The following KCNH2 variants were observed in gnomAD, a reference collection of about 807,000 sequenced individuals.
KCNH2 encodes the protein voltage-gated inwardly rectifying potassium channel KCNH2.
KCNH2 carries 35 observed loss-of-function variants against 95.9 expected under a neutral mutation model. The ratio of observed to expected loss-of-function variants is 0.37; its 90% CI spans 0.28 to 0.48. The LOEUF (loss-of-function observed/expected upper bound fraction) is 0.48, where lower values mean the gene tolerates loss of function less well. Among genes scored for constraint, KCNH2 ranks in the 20% least tolerant of loss-of-function variants. The probability of loss-of-function intolerance (pLI) is 0.99; values close to 1 mark genes in which losing one functional copy is unlikely to be tolerated. For synonymous variants in KCNH2, 786 were observed against 754.7 expected, an observed-to-expected ratio of 1.04 and a Z score of -0.68; for missense variants, 1,274 against 1,702.9, an observed-to-expected ratio of 0.75 and a Z score of 4.43.
Position 150,950,234 on chromosome 7 carries a change from C to T in KCNH2, c.2332G>A (p.Ala778Thr), listed in dbSNP as rs769076001. The T allele has an allele frequency of 5.6e-6, 9 of 1,612,040 alleles. No homozygotes were observed. Among genetic ancestry groups the T allele is most frequent in the South Asian group, 3.3e-5 (3 of 91,014 alleles). The change falls in exon 9 of 15, where the codon GCC (alanine) becomes ACC (threonine). Residue 778 changes from alanine to threonine, a missense_variant. This residue lies in a region of KCNH2 where 159 missense variants were observed against 282.5 expected (regional missense o/e 0.56). Coordinates refer to ENST00000262186, the MANE Select transcript of KCNH2 (RefSeq NM_000238.4). The part of the protein sequence containing the change: ...TLVHAGDLLT[A>T]LYFISRGSIE... ...GAGCCCCGGGAGATGAAGTACAGGGCGGTGAGCAGGTCCCCAGCATGCACC... is the reference window on the plus strand; with the variant it reads ...GAGCCCCGGGAGATGAAGTACAGGGTGGTGAGCAGGTCCCCAGCATGCACC...
chr7:150,960,802 A>C (rs3823587), intron 2 of KCNH2, among the ~76,000 whole-genome samples: 41,526 of 150,738 alleles, frequency 0.28, 6,388 homozygotes, highest in East Asian at 0.64. Context: ...CAGTCCCCTA[A>C]GCCAAGCACC....
intron 5 of KCNH2, among the ~76,000 whole-genome samples, chr7:150,954,063 A>G (rs1415737761): frequency 6.6e-6 from 1 of 152,208 alleles, no homozygotes; most frequent in Non-Finnish European, 1.5e-5. Context: ...GTCATAGTCA[A>G]AGATTTGACC....
In KCNH2 at chr7:150,945,751, G is replaced by C. The variant is rs559224204; in HGVS notation, c.3331-237C>G. Among the ~76,000 whole-genome samples, 2 of 152,304 alleles carry C rather than the reference G, an allele frequency of 1.3e-5. No individual in the cohort carries two copies. The highest frequency in any genetic ancestry group is 3.9e-4 in the East Asian group (2 of 5,176). ...AGAGAAAGGCATTCTCTGAGAGCAG[G>C]AGCCAAACAAGAGAGCTGGGAGCAG... On this transcript the variant is annotated intron_variant, in intron 14 of 14. Coordinates refer to ENST00000262186, the MANE Select transcript of KCNH2 (RefSeq NM_000238.4). This position sits in a 1 kb window ranked among gnomAD's most constrained non-coding sequence, Gnocchi z 5.6.
intron 5 of KCNH2, among the ~76,000 whole-genome samples, chr7:150,955,181 C>T (rs757956377): frequency 6.6e-6 from 1 of 152,232 alleles, no homozygotes; most frequent in African/African-American, 2.4e-5. Context: ...GGCACAGGAG[C>T]GGGGAAGTCC....
At position 150,948,425 on chromosome 7, in the gene KCNH2, CTCCCCT is replaced by C; in HGVS notation, c.2692+13_2692+18del. ...CACCTTGTCCCCGCCCTCCCCCTTC[CTCCCCT>C]CCCCCGCCTCACCCTTGTCCGTGCG... On this transcript the variant is annotated intron_variant, in intron 11 of 14. Coordinates refer to ENST00000262186, the MANE Select transcript of KCNH2 (RefSeq NM_000238.4). 1 of 1,436,866 alleles carries C rather than the reference CTCCCCT, an allele frequency of 7.0e-7. No individual in the cohort carries two copies. The highest frequency in any genetic ancestry group is 1.2e-5 in the South Asian group (1 of 86,500). The allele number at this position is 1,436,866 out of a possible 1,614,324, so 89.0% of individuals were successfully genotyped here. A position where few individuals can be genotyped will look rare whatever the true frequency, so the allele number is the denominator to read the frequency against.
chr7:150,959,562 G>C lies in KCNH2; in HGVS notation c.472+10C>G. 1.2e-6 allele frequency: 2 copies of C among 1,613,988 alleles called. No individual in the cohort carries two copies. Among genetic ancestry groups the C allele is most frequent in the Non-Finnish European group, 8.5e-7 (1 of 1,179,900 alleles). Reference sequence around the variant, plus strand: ...AACCCCTGAGCCTGCCCTAAAGCAAGTACACTTACCTGGGGCCAGCCAGCT... The same window carrying C: ...AACCCCTGAGCCTGCCCTAAAGCAACTACACTTACCTGGGGCCAGCCAGCT... On this transcript the variant is annotated intron_variant, in intron 3 of 14. Transcript: ENST00000262186.
At chr7:150,965,068 G>A (rs940215294) in intron 2 of KCNH2, among the ~76,000 whole-genome samples, 1 of 151,584 alleles carries the variant, frequency 6.6e-6, no homozygotes, top group African/African-American at 2.4e-5. Flanking sequence ...GTGTGTGCGC[G>A]CGTGTGTGTG....
chr7:150,970,432 C>T (rs1801812715), intron 2 of KCNH2, among the ~76,000 whole-genome samples: 1 of 152,228 alleles, frequency 6.6e-6, no homozygotes, highest in South Asian at 2.1e-4. Context: ...TCTCCCGACG[C>T]TCTCCAGACC....
At chr7:150,971,499 T>C (rs1271548127) in intron 2 of KCNH2, among the ~76,000 whole-genome samples, 1 of 151,610 alleles carries the variant, frequency 6.6e-6, no homozygotes, top group Non-Finnish European at 1.5e-5. Flanking sequence ...ACGCACAAGC[T>C]CCCGGGGACA....
rs1393264950 is a variant in KCNH2, at chr7:150,978,165, CCCGCCGAGCCGCGGGGCCCGCT to C, written c.-274_-253del. On this transcript the variant is annotated 5_prime_UTR_variant, in exon 1 of 15. Coordinates refer to ENST00000262186, the MANE Select transcript of KCNH2 (RefSeq NM_000238.4). ...CCGCCGGCACACCTGTCTGCCGGCC[CCCGCCGAGCCGCGGGGCCCGCT>C]CCGCCGCGTCCCCGCGCTGCGCTCC... 1 of 146,846 alleles carries C rather than the reference CCCGCCGAGCCGCGGGGCCCGCT, an allele frequency of 6.8e-6. No homozygotes were observed. The highest frequency in any genetic ancestry group is 1.5e-5 in the Non-Finnish European group (1 of 66,088). 9.1% of individuals were successfully genotyped at this position (146,846 alleles called of 1,614,324 possible).
At position 150,947,796 on chromosome 7, in the gene KCNH2, C is replaced by A; in HGVS notation, c.2775G>T (p.Gly925=). The A allele has an allele frequency of 1.3e-6, 2 of 1,530,388 alleles. No homozygotes were observed. The highest frequency in any genetic ancestry group is 1.2e-5 in the South Asian group (1 of 83,316). 94.8% of individuals were successfully genotyped at this position (1,530,388 alleles called of 1,614,324 possible). ...CACTGGACGGGCTCTCCCCCCACGG[C>A]CCCCCCGGCCGGCCCCGGCTACTCG... The part of the protein sequence containing the change: ...AGPSSRGRPG[G]PWGESPSSGP... The change falls in exon 12 of 15, where the codon GGG becomes GGT. Residue 925 remains glycine, a synonymous_variant. Coordinates refer to ENST00000262186, the MANE Select transcript of KCNH2 (RefSeq NM_000238.4).
chr7:150,948,723 G>C (rs1339735555), intron 10 of KCNH2, 133 bp downstream of exon 10: 1 of 1,082,098 alleles, frequency 9.2e-7, no homozygotes, highest in East Asian at 2.6e-5. Context: ...ACTTTTGTAG[G>C]CTGCTCTATG....
chr7:150,945,163 A>G lies in KCNH2; in HGVS notation c.*202T>C. On this transcript the variant is annotated 3_prime_UTR_variant, in exon 15 of 15. Coordinates refer to ENST00000262186, the MANE Select transcript of KCNH2 (RefSeq NM_000238.4). This position sits in a 1 kb window ranked among gnomAD's most constrained non-coding sequence, Gnocchi z 5.6. ...AGTGGGGGGACCACAGGCCCCACCT[A>G]CTGCCGGCCCTGCCCCTGCCCCTCT... is the stretch of plus-strand genomic sequence containing the variant. 1 of 625,938 alleles carries G rather than the reference A, an allele frequency of 1.6e-6. No individual in the cohort carries two copies. The highest frequency in any genetic ancestry group is 2.7e-6 in the Non-Finnish European group (1 of 365,998). The allele number at this position is 625,938 out of a possible 1,614,324, so 38.8% of individuals were successfully genotyped here.
At chr7:150,968,622 G>A (rs977647524) in intron 2 of KCNH2, among the ~76,000 whole-genome samples, 2 of 152,154 alleles carry the variant, frequency 1.3e-5, no homozygotes, top group Admixed American at 1.3e-4. Context: ...CCTATGGGGA[G>A]GGTAATGAGA....
intron 1 of KCNH2, among the ~76,000 whole-genome samples, chr7:150,976,244 C>T (rs973370480): frequency 6.6e-6 from 1 of 152,144 alleles, no homozygotes; most frequent in Non-Finnish European, 1.5e-5. Flanking sequence ...TGCAGCAGGG[C>T]ACCCTGAGAT....
At chr7:150,957,623 G>A (rs1801421209) in intron 4 of KCNH2, 121 bp from the exon 5 acceptor site, 4 of 746,652 alleles carry the variant, frequency 5.4e-6, no homozygotes, top group Non-Finnish European at 7.1e-6. Flanking sequence ...GTCAGCTCAA[G>A]AGACCAGGGG....
In KCNH2 at chr7:150,951,862, C is replaced by T. The variant is rs111435367; in HGVS notation, c.1558-27G>A. On this transcript the variant is annotated intron_variant, in intron 6 of 14. Transcript: ENST00000262186. Reference sequence around the variant, plus strand: ...TGGGGGACAGGGAAGGGGCACATTCCGTTGATGGGGCAAGGGGGGCAAGGG... The same window carrying T: ...TGGGGGACAGGGAAGGGGCACATTCTGTTGATGGGGCAAGGGGGGCAAGGG... The T allele has an allele frequency of 2.8e-4, 426 of 1,544,936 alleles. 2 individuals are homozygous for T. The African/African-American group carries it at 4.8e-3, about 17-fold the overall frequency.
intron 2 of KCNH2, among the ~76,000 whole-genome samples, chr7:150,972,034 G>A (rs137884680): frequency 5.9e-5 from 9 of 152,192 alleles, no homozygotes; most frequent in Non-Finnish European, 8.8e-5. Context: ...CCTGAATCCC[G>A]GGCCTGACTT....
rs753735368 is a variant in KCNH2 at position 150,947,717 on chromosome 7, G to A, written c.2854C>T (p.Pro952Ser). The A allele has an allele frequency of 1.8e-5, 28 of 1,577,508 alleles. No homozygotes were observed. Among genetic ancestry groups the A allele is most frequent in the Non-Finnish European group, 2.4e-5 (28 of 1,164,090 alleles). Residue 952 changes from proline (P) to serine (S), a missense_variant, in exon 12 of 15, where the codon CCC becomes TCC. Transcript: ENST00000262186. ...EDEGPGRSSSPLRLVPFSSPR... is the reference protein window; with the variant it reads ...EDEGPGRSSSSLRLVPFSSPR... ...CTGGAGAAGGGCACCAGGCGGAGGG[G>A]GCTGGAGCTGCGGCCTGGGCCCTCA...
Sources: gnomAD v4.1 joint callset for allele counts (sites outside exome capture counted in the v4.1 genomes callset) on GRCh38, gnomAD v4.1.1 for gene constraint, gnomAD v4.1.1 regional missense constraint, Gnocchi (gnomAD v3.1) non-coding constraint, MANE v1.5 for transcripts, NCBI Gene and HGNC (gene_info 2026-07-23, HGNC 2026-07-21) for gene names.